The following RALYL variants were observed in gnomAD, a reference collection of about 807,000 sequenced individuals.
The protein encoded by RALYL is RNA-binding Raly-like protein.
In RALYL, 29 loss-of-function variants were observed where a neutral mutation model predicts 35.1. The observed-to-expected ratio is 0.83, with a 90% confidence interval of 0.61 to 1.13. The LOEUF is 1.13. RALYL is among the 50% of genes most tolerant of loss of function. The pLI is 0.00. For missense variants in RALYL, 359 were observed against 360.4 expected (o/e 1.00, Z 0.03); for synonymous variants, 120 against 127.6 (o/e 0.94, Z 0.40).
intron 2 of RALYL, among the ~76,000 whole-genome samples, chr8:84,747,572 A>C (rs2133152207): frequency 6.6e-6 from 1 of 152,054 alleles, no homozygotes; most frequent in East Asian, 1.9e-4. Flanking sequence ...AAGTGCAGAC[A>C]AGCCTAGCAT....
At chr8:84,664,344 A>G (rs578111273) in intron 2 of RALYL, among the ~76,000 whole-genome samples, 2 of 148,220 alleles carry the variant, frequency 1.3e-5, no homozygotes, top group African/African-American at 5.0e-5. Flanking sequence ...GAATTTTAAA[A>G]TAGGTTTTTT....
At chr8:84,184,651 C>G (rs957065045) in intron 1 of RALYL, among the ~76,000 whole-genome samples, 10 of 151,950 alleles carry the variant, frequency 6.6e-5, no homozygotes, top group Admixed American at 5.9e-4. Context: ...ACAGTCCCCT[C>G]CCCCCACCCC....
intron 2 of RALYL, among the ~76,000 whole-genome samples, chr8:84,657,222 C>T (rs1465249164): frequency 6.6e-6 from 1 of 152,148 alleles, no homozygotes; most frequent in African/African-American, 2.4e-5. Context: ...TTTTCTCCAT[C>T]TCCTGTACCG....
intron 4 of RALYL, among the ~76,000 whole-genome samples, chr8:84,828,131 A>C (rs796389102): frequency 3.3e-5 from 5 of 152,284 alleles, no homozygotes; most frequent in African/African-American, 1.2e-4. Flanking sequence ...GGGAAATTAT[A>C]CCTCTCTGTG....
chr8:84,660,376 C>T (rs77328401), intron 2 of RALYL, among the ~76,000 whole-genome samples: 1,580 of 151,958 alleles, frequency 0.01, 19 homozygotes, highest in Non-Finnish European at 0.015. Context: ...TCTATTTGTA[C>T]CTTCTAAATG....
intron 4 of RALYL, among the ~76,000 whole-genome samples, chr8:84,837,917 C>T (rs1832359796): frequency 6.6e-6 from 1 of 152,214 alleles, no homozygotes; most frequent in Non-Finnish European, 1.5e-5. Flanking sequence ...GAAACCTCAG[C>T]ATTTCCTTGG....
At chr8:84,453,499 G>A (rs1587405816) in intron 1 of RALYL, among the ~76,000 whole-genome samples, 1 of 152,084 alleles carries the variant, frequency 6.6e-6, no homozygotes, top group South Asian at 2.1e-4. Flanking sequence ...CCAAACCAGA[G>A]TTCAGGTCCA....
chr8:84,876,836 T>A (rs1450918885), intron 7 of RALYL, among the ~76,000 whole-genome samples: 2 of 152,158 alleles, frequency 1.3e-5, no homozygotes, highest in Non-Finnish European at 2.9e-5. Flanking sequence ...CCTACCCATA[T>A]GTTTGGTATA....
Position 84,221,619 on chromosome 8 carries a change from A to T in RALYL, c.-24+37195A>T, listed in dbSNP as rs992310012. Reference sequence around the variant, plus strand: ...AGTGTTTAAAAAATTAAGGTACTGTATGTCAAATATTCACAGTAATGCTAA... The same window carrying T: ...AGTGTTTAAAAAATTAAGGTACTGTTTGTCAAATATTCACAGTAATGCTAA... On this transcript the variant is annotated intron_variant, in intron 1 of 8. Transcript: ENST00000521268. 3.3e-5 allele frequency among the ~76,000 whole-genome samples: 5 copies of T among 152,068 alleles called. 1 individual carries two copies. The South Asian group carries it at 1.0e-3, about 31-fold the overall frequency.
At chr8:84,216,431 A>G (rs1820844568) in intron 1 of RALYL, among the ~76,000 whole-genome samples, 1 of 152,114 alleles carries the variant, frequency 6.6e-6, no homozygotes, top group Non-Finnish European at 1.5e-5. Flanking sequence ...TTAGAAATAC[A>G]TTTTATTGTG....
chr8:84,794,886 G>A (rs962283023), intron 3 of RALYL, among the ~76,000 whole-genome samples: 1 of 152,190 alleles, frequency 6.6e-6, no homozygotes, highest in Non-Finnish European at 1.5e-5. Context: ...CGAGGGAGAT[G>A]AGCCCTGCAG....
intron 1 of RALYL, among the ~76,000 whole-genome samples, chr8:84,289,020 C>T (rs1472290653): frequency 6.6e-6 from 1 of 152,072 alleles, no homozygotes; most frequent in African/African-American, 2.4e-5. Flanking sequence ...GACTTTTAAG[C>T]GCTGGGGTGA....
chr8:84,339,908 A>T (rs1260057901), intron 1 of RALYL, among the ~76,000 whole-genome samples: 1 of 152,092 alleles, frequency 6.6e-6, no homozygotes, highest in Non-Finnish European at 1.5e-5. Flanking sequence ...CCCAAATCTC[A>T]TCTTGAAGTG....
chr8:84,449,241 C>T (rs2133147852), intron 1 of RALYL, among the ~76,000 whole-genome samples: 1 of 151,896 alleles, frequency 6.6e-6, no homozygotes, highest in South Asian at 2.1e-4. Flanking sequence ...TAATACAGGG[C>T]AGAGCAGGAC....
chr8:84,719,123 T>C (rs2132603314), intron 2 of RALYL, among the ~76,000 whole-genome samples: 1 of 152,276 alleles, frequency 6.6e-6, no homozygotes, highest in Admixed American at 6.5e-5. Flanking sequence ...GTAACCTGTA[T>C]GTATTCTGTA....
chr8:84,345,099 C>CTT (rs762172839), intron 1 of RALYL, among the ~76,000 whole-genome samples: 2,576 of 136,124 alleles, frequency 0.019, 35 homozygotes, highest in South Asian at 0.032. Flanking sequence ...CTTTCTTTCT[C>CTT]TTTTTTTTTT....
rs548816430 is a variant in RALYL at position 84,204,205 on chromosome 8, C to G, written c.-24+19781C>G. 1.6e-4 allele frequency among the ~76,000 whole-genome samples: 24 copies of G among 151,468 alleles called. No individual in the cohort carries two copies. In the South Asian group the frequency reaches 4.2e-3, roughly 26 times the overall value. On this transcript the variant is annotated intron_variant, in intron 1 of 8. Transcript: ENST00000521268. The stretch of plus-strand genomic sequence containing the variant: ...AGTCTCAGTAGTTTACCCAAAAGAT[C>G]TGAATAAATATTGGAATGATCTTTT...
At chr8:84,384,323 T>C (rs1429904915) in intron 1 of RALYL, among the ~76,000 whole-genome samples, 3 of 151,786 alleles carry the variant, frequency 2.0e-5, no homozygotes, top group African/African-American at 7.2e-5. Flanking sequence ...ATCATCATTA[T>C]GATTATACTG....
intron 4 of RALYL, among the ~76,000 whole-genome samples, chr8:84,841,929 A>T (rs1013319040): frequency 6.6e-6 from 1 of 152,246 alleles, no homozygotes; most frequent in African/African-American, 2.4e-5. Context: ...ATGAGAACAA[A>T]GTCACAACAT....
Sources: gnomAD v4.1 joint callset for allele counts (sites outside exome capture counted in the v4.1 genomes callset) on GRCh38, gnomAD v4.1.1 for gene constraint, MANE v1.5 for transcripts, NCBI Gene and HGNC (gene_info 2026-07-23, HGNC 2026-07-21) for gene names.